The following BTBD8 variants were observed in gnomAD, a reference collection of about 807,000 sequenced individuals.
BTBD8 encodes the protein BTB domain containing 8.
A neutral mutation model predicts 162.9 loss-of-function variants in BTBD8; 110 were observed. The ratio of observed to expected loss-of-function variants is 0.68; its 90% CI spans 0.58 to 0.79. The LOEUF (loss-of-function observed/expected upper bound fraction) is 0.79. Ranked by LOEUF, BTBD8 falls within the 30% of genes least tolerant of loss-of-function variation. The probability of loss-of-function intolerance (pLI) is 0.00; values close to 1 mark genes in which losing one functional copy is unlikely to be tolerated. For missense variants in BTBD8, 1,905 were observed against 2,085.4 expected (o/e 0.91, Z 1.68); for synonymous variants, 667 against 716.1 (o/e 0.93, Z 1.10).
At chr1:92,086,166 G>A (rs943485538) in intron 1 of BTBD8, among the ~76,000 whole-genome samples, 4 of 152,104 alleles carry the variant, frequency 2.6e-5, no homozygotes, top group East Asian at 3.9e-4. Context: ...TAGAAGCAAG[G>A]AGCCAGAGAC....
At position 92,166,979 on chromosome 1, in the gene BTBD8, C is replaced by A. The variant is rs775844472; in HGVS notation, c.1144C>A (p.Leu382Ile). ...QSLNDKNAAF[L>I]LMESDRLIIS... ...TAAGAATGATAAGAATGCTGCTTTT[C>A]TTCTGATGGAAAGTGACAGGCTAAT... Residue 382 changes from leucine (L) to isoleucine (I), a missense_variant, in exon 10 of 18, where the codon CTT becomes ATT. Transcript: ENST00000636805. 14 of 1,546,062 alleles carry A rather than the reference C, an allele frequency of 9.1e-6. No homozygotes were observed. In the African/African-American group the frequency reaches 1.9e-4, roughly 21 times the overall value.
At position 92,168,924 on chromosome 1, in the gene BTBD8, C is replaced by T. The variant is rs1650459929; in HGVS notation, c.1502C>T (p.Ser501Phe). The T allele has an allele frequency of 1.3e-6, 2 of 1,544,348 alleles. No individual in the cohort carries two copies. Among genetic ancestry groups the T allele is most frequent in the East Asian group, 4.9e-5 (2 of 40,830 alleles). Reference protein sequence around the residue: ...RDKLWIFLVQSFYAVRHTESW... With the variant: ...RDKLWIFLVQFFYAVRHTESW... Reference sequence around the variant, plus strand: ...AAGCTGTGGATCTTCCTGGTTCAGTCTTTCTATGCTGTTCGTCACACAGAA... The same window carrying T: ...AAGCTGTGGATCTTCCTGGTTCAGTTTTTCTATGCTGTTCGTCACACAGAA... Residue 501 changes from serine (S) to phenylalanine (F), a missense_variant, in exon 12 of 18, where the codon TCT (serine) becomes TTT (phenylalanine). Ser to Phe is a radical substitution (Grantham distance 155). Coordinates refer to ENST00000636805, the MANE Select transcript of BTBD8 (RefSeq NM_001376131.1).
At chr1:92,093,362 T>C (rs1324759712) in intron 2 of BTBD8, among the ~76,000 whole-genome samples, 1 of 152,022 alleles carries the variant, frequency 6.6e-6, no homozygotes, top group East Asian at 1.9e-4. Context: ...CCGGCTAATT[T>C]TGTATTTTTA....
At chr1:92,097,280 C>T (rs751048286) in intron 2 of BTBD8, among the ~76,000 whole-genome samples, 2 of 152,142 alleles carry the variant, frequency 1.3e-5, no homozygotes, top group African/African-American at 2.4e-5. Context: ...AGCTAATACT[C>T]CACCAGCTAA....
chr1:92,086,722 G>A (rs557063365), intron 1 of BTBD8, among the ~76,000 whole-genome samples: 3 of 152,234 alleles, frequency 2.0e-5, no homozygotes, highest in Admixed American at 1.3e-4. Context: ...CCACCCTCAT[G>A]GGTGCGAGTG....
At chr1:92,175,477 C>CAAAAAAAAAAAAAAAAAAAA (rs71091265) in intron 13 of BTBD8, among the ~76,000 whole-genome samples, 2 of 37,456 alleles carry the variant, frequency 5.3e-5, no homozygotes, top group African/African-American at 2.0e-4. Flanking sequence ...GACTCCATCT[C>CAAAAAAAAAAAAAAAAAAAA]AAAAAAAAAA....
intron 3 of BTBD8, 131 bp downstream of exon 3, chr1:92,102,800 A>G: frequency 1.2e-6 from 1 of 807,354 alleles, no homozygotes. Flanking sequence ...AACTGAAAAC[A>G]CTAGTATTGT....
intron 9 of BTBD8, among the ~76,000 whole-genome samples, chr1:92,148,299 T>C (rs1023191690): frequency 2.0e-5 from 3 of 152,216 alleles, no homozygotes; most frequent in Non-Finnish European, 4.4e-5. Context: ...ATCCATGAAC[T>C]TACAGAATGC....
At chr1:92,168,054 T>G in intron 11 of BTBD8, 69 bp downstream of exon 11, 1 of 1,389,720 alleles carries the variant, frequency 7.2e-7, no homozygotes, top group Admixed American at 2.2e-5. Context: ...TGTATGTGCA[T>G]TTTAAATGTT....
chr1:92,148,129 T>G (rs1359528396), intron 9 of BTBD8, among the ~76,000 whole-genome samples: 1 of 152,156 alleles, frequency 6.6e-6, no homozygotes, highest in African/African-American at 2.4e-5. Flanking sequence ...TTCTCAATGG[T>G]ACCATTCTTC....
intron 5 of BTBD8, among the ~76,000 whole-genome samples, chr1:92,133,689 G>A (rs1649564081): frequency 6.6e-6 from 1 of 152,208 alleles, no homozygotes; most frequent in African/African-American, 2.4e-5. Flanking sequence ...TCTATAATCT[G>A]GCCGGGCACA....
chr1:92,152,377 G>A (rs572508901), intron 9 of BTBD8, among the ~76,000 whole-genome samples: 3 of 152,202 alleles, frequency 2.0e-5, no homozygotes, highest in South Asian at 4.1e-4. Context: ...CAAATAGGTA[G>A]GTAAGTGAAT....
chr1:92,103,812 A>G (rs896599200), intron 3 of BTBD8, among the ~76,000 whole-genome samples: 2 of 152,200 alleles, frequency 1.3e-5, no homozygotes, highest in Non-Finnish European at 2.9e-5. Flanking sequence ...TTTCCAAGGC[A>G]TGTTTGCTTT....
intron 4 of BTBD8, among the ~76,000 whole-genome samples, chr1:92,118,282 C>CTTTTTTTT (rs3040583): frequency 1.6e-5 from 2 of 122,316 alleles, no homozygotes; most frequent in Non-Finnish European, 1.7e-5. Context: ...TTCAGACTTT[C>CTTTTTTTT]TTTTTTTTTT....
chr1:92,119,259 A>T (rs1649126615), intron 4 of BTBD8, among the ~76,000 whole-genome samples: 1 of 150,896 alleles, frequency 6.6e-6, no homozygotes, highest in Non-Finnish European at 1.5e-5. Context: ...ACAAACATGT[A>T]TAGCTGTACA....
At position 92,168,455 on chromosome 1, in the gene BTBD8, A is replaced by G. The variant is rs532884165; in HGVS notation, c.1444-411A>G. ...AAGCAAAATTAAAATATTTATTTTT[A>G]AATACAATTAATCAGTGGCCATTAA... On this transcript the variant is annotated intron_variant, in intron 11 of 17. Transcript: ENST00000636805. Among the ~76,000 whole-genome samples, 4 of 152,296 alleles carry G rather than the reference A, an allele frequency of 2.6e-5. No homozygotes were observed. In the South Asian group the frequency reaches 8.3e-4, roughly 32 times the overall value.
intron 9 of BTBD8, among the ~76,000 whole-genome samples, chr1:92,154,771 T>A (rs183951347): frequency 3.9e-5 from 6 of 152,310 alleles, no homozygotes; most frequent in Non-Finnish European, 8.8e-5. Flanking sequence ...GGAGGCTTTT[T>A]AATTTGATGT....
chr1:92,090,706 G>T (rs565436172), intron 2 of BTBD8, among the ~76,000 whole-genome samples: 4 of 152,214 alleles, frequency 2.6e-5, no homozygotes, highest in Non-Finnish European at 5.9e-5. Context: ...GAGGTGGGCA[G>T]ATCACCTGAG....
chr1:92,170,721 G>A (rs1650513997), intron 12 of BTBD8, among the ~76,000 whole-genome samples: 2 of 151,972 alleles, frequency 1.3e-5, no homozygotes, highest in African/African-American at 4.8e-5. Flanking sequence ...AACTATATTT[G>A]TAGCTCTCAT....
Sources: allele counts gnomAD v4.1 joint callset (sites outside exome capture counted in the v4.1 genomes callset), GRCh38; gene constraint gnomAD v4.1.1; transcripts MANE v1.5; gene names NCBI Gene and HGNC (gene_info 2026-07-23, HGNC 2026-07-21).